Variants in UVRAG observed in about 807,000 individuals in gnomAD.
The protein encoded by UVRAG is UV radiation resistance associated.
Under a neutral mutation model 78.0 loss-of-function variants are expected in UVRAG, and 19 were observed. That is an observed-to-expected ratio of 0.24 (90% CI 0.17 to 0.36). The LOEUF (loss-of-function observed/expected upper bound fraction) is 0.36. Ranked by LOEUF, UVRAG falls within the 10% of genes least tolerant of loss-of-function variation. UVRAG has a pLI of 1.00. For missense variants in UVRAG, 740 were observed against 853.8 expected (o/e 0.87, Z 1.66); for synonymous variants, 323 against 324.6 (o/e 1.00, Z 0.05).
In UVRAG at chr11:75,886,092, C is replaced by T. The variant is rs191746923; in HGVS notation, c.433-2737C>T. ...GGGCTGTAAAACAAGTCAGAGTTCC[C>T]TTCTCTGAAGAGTTCCTTAAGAAAC... is the stretch of plus-strand genomic sequence containing the variant. On this transcript the variant is annotated intron_variant, in intron 4 of 14. Transcript: ENST00000356136. Among the ~76,000 whole-genome samples the T allele has an allele frequency of 4.1e-3, 618 of 152,182 alleles. 2 individuals carry two copies. The highest frequency in any genetic ancestry group is 5.0e-3 in the Non-Finnish European group (337 of 67,948).
At chr11:76,115,770 C>CCT in intron 13 of UVRAG, 154 bp from the exon 14 acceptor site, 1 of 639,486 alleles carries the variant, frequency 1.6e-6, no homozygotes, top group Non-Finnish European at 2.7e-6. Flanking sequence ...ATGTCAAATA[C>CCT]CCAGTAAGTG....
chr11:76,078,394 A>T (rs1185544827), intron 13 of UVRAG, among the ~76,000 whole-genome samples: 1 of 152,086 alleles, frequency 6.6e-6, no homozygotes, highest in Non-Finnish European at 1.5e-5. Flanking sequence ...ATAGACCCAT[A>T]TCATAATTCT....
intron 14 of UVRAG, among the ~76,000 whole-genome samples, chr11:76,137,933 A>G (rs1410987589): frequency 6.6e-6 from 1 of 152,176 alleles, no homozygotes; most frequent in Non-Finnish European, 1.5e-5. Context: ...TAAATTAAAA[A>G]ATAAAAAGAG....
intron 12 of UVRAG, 51 bp from the exon 13 acceptor site, chr11:76,065,659 T>C: frequency 6.4e-7 from 1 of 1,555,878 alleles, no homozygotes; most frequent in East Asian, 2.2e-5. Context: ...AACTTGGAGG[T>C]TGTATTTACT....
intron 1 of UVRAG, among the ~76,000 whole-genome samples, chr11:75,827,809 C>A (rs1002723331): frequency 6.6e-6 from 1 of 152,160 alleles, no homozygotes; most frequent in African/African-American, 2.4e-5. Context: ...TAATTCCAAT[C>A]ATTCTTTTGT....
rs1951551096 is a variant in UVRAG, at chr11:76,084,576, A to AT, written c.1305+18792dup. Among the ~76,000 whole-genome samples, 6 of 152,050 alleles carry AT rather than the reference A, an allele frequency of 3.9e-5. No homozygotes were observed. In the South Asian group the frequency reaches 1.0e-3, roughly 26 times the overall value. On this transcript the variant is annotated intron_variant, in intron 13 of 14. Coordinates refer to ENST00000356136, the MANE Select transcript of UVRAG (RefSeq NM_003369.4). ...AAATGTATGATCCGAGTTTTCCTGT[A>AT]TTTTATCTTTATAAGTTATCTTATT...
At chr11:75,903,705 A>G (rs1051071507) in intron 5 of UVRAG, among the ~76,000 whole-genome samples, 2 of 151,992 alleles carry the variant, frequency 1.3e-5, no homozygotes, top group Non-Finnish European at 2.9e-5. Context: ...TTCTTATGGC[A>G]CTCTTGCATT....
chr11:76,121,379 A>G (rs1952272546), intron 14 of UVRAG, among the ~76,000 whole-genome samples: 1 of 152,200 alleles, frequency 6.6e-6, no homozygotes, highest in Non-Finnish European at 1.5e-5. Context: ...TCAGCTTAGA[A>G]TCTGTGCTCT....
intron 14 of UVRAG, among the ~76,000 whole-genome samples, chr11:76,132,620 C>G (rs374556832): frequency 9.2e-5 from 14 of 151,938 alleles, no homozygotes; most frequent in African/African-American, 3.4e-4. Flanking sequence ...TGTGGTAAAT[C>G]TTTACATGCT....
chr11:76,071,543 T>G (rs1951308869), intron 13 of UVRAG, among the ~76,000 whole-genome samples: 1 of 152,168 alleles, frequency 6.6e-6, no homozygotes, highest in Non-Finnish European at 1.5e-5. Context: ...TGATTTGATA[T>G]GTTTTTTCCC....
At position 75,851,886 on chromosome 11, in the gene UVRAG, C is replaced by T. The variant is rs1313807906; in HGVS notation, c.121C>T (p.Arg41Cys). 4.4e-6 allele frequency: 7 copies of T among 1,601,626 alleles called. No homozygotes were observed. Among genetic ancestry groups the T allele is most frequent in the East Asian group, 2.2e-5 (1 of 44,820 alleles). Reference sequence around the variant, plus strand: ...CTTTTTTGTTGTTATTTTTCAGCGGCGTCTTCGACATCTTCGGAACATTGC... The same window carrying T: ...CTTTTTTGTTGTTATTTTTCAGCGGTGTCTTCGACATCTTCGGAACATTGC... Reference protein sequence around the residue: ...LHVELPSQQRRLRHLRNIAAR... With the variant: ...LHVELPSQQRCLRHLRNIAAR... The change falls in exon 2 of 15, where the codon CGT becomes TGT. Residue 41 changes from arginine (R) to cysteine (C), a missense_variant. Coordinates refer to ENST00000356136, the MANE Select transcript of UVRAG (RefSeq NM_003369.4).
chr11:75,841,518 CATT>C (rs1359086086), intron 1 of UVRAG, among the ~76,000 whole-genome samples: 1 of 147,808 alleles, frequency 6.8e-6, no homozygotes, highest in East Asian at 2.0e-4. Flanking sequence ...TTTATATCAT[CATT>C]TTCAATGACC....
At chr11:75,925,187 G>C (rs1948072123) in intron 6 of UVRAG, among the ~76,000 whole-genome samples, 1 of 152,184 alleles carries the variant, frequency 6.6e-6, no homozygotes, top group Non-Finnish European at 1.5e-5. Context: ...GCTGGTGCCA[G>C]GCATGTTCCA....
At chr11:76,071,037 C>G (rs1443941355) in intron 13 of UVRAG, among the ~76,000 whole-genome samples, 1 of 152,004 alleles carries the variant, frequency 6.6e-6, no homozygotes, top group Non-Finnish European at 1.5e-5. Context: ...AATCATATCT[C>G]AATAAAGCTG....
At chr11:75,843,285 T>C (rs1945955654) in intron 1 of UVRAG, among the ~76,000 whole-genome samples, 2 of 152,254 alleles carry the variant, frequency 1.3e-5, no homozygotes. Flanking sequence ...AGATTGACCC[T>C]ACAGAAATGA....
intron 8 of UVRAG, among the ~76,000 whole-genome samples, chr11:75,999,555 AT>A (rs1949771605): frequency 6.6e-6 from 1 of 151,698 alleles, no homozygotes; most frequent in African/African-American, 2.4e-5. Context: ...TAATTTTTGT[AT>A]TTTTAGTAGA....
chr11:75,920,008 G>GGT (rs1947940775), intron 6 of UVRAG, among the ~76,000 whole-genome samples: 4 of 55,462 alleles, frequency 7.2e-5, no homozygotes, highest in African/African-American at 2.3e-4. Context: ...AATAATTTTG[G>GGT]TTTTTTTTTT....
chr11:76,059,278 G>A (rs1271166390), intron 12 of UVRAG, among the ~76,000 whole-genome samples: 1 of 152,190 alleles, frequency 6.6e-6, no homozygotes, highest in Non-Finnish European at 1.5e-5. Flanking sequence ...ATTTACCCAA[G>A]TTCATATAAC....
intron 1 of UVRAG, among the ~76,000 whole-genome samples, chr11:75,850,060 A>G (rs1946120928): frequency 7.6e-6 from 1 of 132,044 alleles, no homozygotes; most frequent in Non-Finnish European, 1.5e-5. Context: ...GCCTGCAATC[A>G]GTCTGATTGG....
Sources: gnomAD v4.1 joint callset for allele counts (sites outside exome capture counted in the v4.1 genomes callset) on GRCh38, gnomAD v4.1.1 for gene constraint, MANE v1.5 for transcripts, NCBI Gene and HGNC (gene_info 2026-07-23, HGNC 2026-07-21) for gene names.